The following TBC1D19 variants were observed in gnomAD, a reference collection of about 807,000 sequenced individuals.
TBC1D19 encodes the protein TBC1 domain family member 19.
Under a neutral mutation model 89.0 loss-of-function variants are expected in TBC1D19, and 60 were observed. The observed-to-expected ratio is 0.67, with a 90% confidence interval of 0.55 to 0.84. The LOEUF (loss-of-function observed/expected upper bound fraction) is 0.84. TBC1D19 is among the 40% of genes least tolerant of loss of function. TBC1D19 has a pLI of 0.00. For missense variants in TBC1D19, 500 were observed against 610.8 expected (o/e 0.82, Z 1.91); for synonymous variants, 189 against 199.7 (o/e 0.95, Z 0.45).
At chr4:26,806,514 A>G in the TBC1D19 span, among the ~76,000 whole-genome samples, 1 of 152,308 alleles carries the variant, frequency 6.6e-6, no homozygotes, top group East Asian at 1.9e-4. Context: ...CTGCCTCCTC[A>G]GTAACTGTCA....
chr4:26,850,538 C>A, the TBC1D19 span, among the ~76,000 whole-genome samples: 1 of 21,508 alleles, frequency 4.6e-5, no homozygotes, highest in African/African-American at 4.1e-4. Context: ...GAGACCCTGT[C>A]TCAAAAAAAA....
At chr4:26,680,447 G>A (rs1034797049) in intron 11 of TBC1D19, among the ~76,000 whole-genome samples, 1 of 151,812 alleles carries the variant, frequency 6.6e-6, no homozygotes, top group Non-Finnish European at 1.5e-5. Context: ...TTCTATCTTA[G>A]GAATAAAAGT....
intron 4 of TBC1D19, among the ~76,000 whole-genome samples, chr4:26,627,013 A>G (rs900223144): frequency 6.6e-6 from 1 of 151,752 alleles, no homozygotes; most frequent in Non-Finnish European, 1.5e-5. Context: ...AGCATTAGGT[A>G]TATCTCCTAA....
intron 1 of TBC1D19, among the ~76,000 whole-genome samples, chr4:26,612,793 T>G (rs1250829349): frequency 6.6e-6 from 1 of 152,222 alleles, no homozygotes; most frequent in South Asian, 2.1e-4. Flanking sequence ...TGCAACTGGT[T>G]TTTTAGTCAT....
the TBC1D19 span, among the ~76,000 whole-genome samples, chr4:26,778,537 G>A: frequency 6.6e-6 from 1 of 152,190 alleles, no homozygotes. Context: ...CAGGTGGTAG[G>A]GGAAGAACCA....
chr4:26,784,007 G>A, the TBC1D19 span, among the ~76,000 whole-genome samples: 1 of 152,148 alleles, frequency 6.6e-6, no homozygotes, highest in Admixed American at 6.5e-5. Flanking sequence ...TTGGTCACCA[G>A]GGAACCAGGT....
intron 6 of TBC1D19, 88 bp downstream of exon 6, chr4:26,638,922 T>C: frequency 1.9e-6 from 2 of 1,066,178 alleles, no homozygotes; most frequent in Non-Finnish European, 2.7e-6. Context: ...TAACAATTCT[T>C]TTGGGAAGAT....
At chr4:26,825,204 T>G in the TBC1D19 span, among the ~76,000 whole-genome samples, 3 of 152,094 alleles carry the variant, frequency 2.0e-5, no homozygotes, top group Admixed American at 2.0e-4. Context: ...GTTCAAGCGA[T>G]TCTCCTGCCT....
intron 4 of TBC1D19, among the ~76,000 whole-genome samples, chr4:26,632,996 C>T (rs1045520576): frequency 2.0e-5 from 3 of 152,122 alleles, no homozygotes; most frequent in African/African-American, 7.2e-5. Flanking sequence ...TATCTTGCAA[C>T]CCTTCACTCC....
At chr4:26,781,403 G>A in the TBC1D19 span, among the ~76,000 whole-genome samples, 1 of 152,098 alleles carries the variant, frequency 6.6e-6, no homozygotes, top group East Asian at 1.9e-4. Context: ...CCTCTAAGAC[G>A]GGGGAAATAA....
intron 13 of TBC1D19, 74 bp downstream of exon 13, chr4:26,688,481 C>A: frequency 7.4e-7 from 1 of 1,345,762 alleles, no homozygotes; most frequent in Non-Finnish European, 9.6e-7. Flanking sequence ...GGAGATATCT[C>A]TGCTGTTGAC....
the TBC1D19 span, among the ~76,000 whole-genome samples, chr4:26,831,644 G>T: frequency 6.9e-6 from 1 of 144,820 alleles, no homozygotes; most frequent in East Asian, 2.0e-4. Context: ...GTGCCATAGC[G>T]TGATTTTGGC....
chr4:26,734,980 A>ATGTATATGTATATATGTATACACATG, intron 15 of TBC1D19, among the ~76,000 whole-genome samples: 1 of 148,798 alleles, frequency 6.7e-6, no homozygotes. Flanking sequence ...GTATACACAT[A>ATGTATATGTATATATGTATACACATG]TGTATATGTA....
chr4:26,826,288 T>C, the TBC1D19 span, among the ~76,000 whole-genome samples: 3 of 152,214 alleles, frequency 2.0e-5, no homozygotes. Context: ...GGACTTCGCA[T>C]TCTGCCTGCC....
chr4:26,583,361 G>A (rs983969734), upstream of TBC1D19, among the ~76,000 whole-genome samples: 2 of 152,186 alleles, frequency 1.3e-5, no homozygotes, highest in Non-Finnish European at 2.9e-5. Context: ...TTATGTAAAT[G>A]TTCAATAAGT....
At chr4:26,732,838 A>G (rs1351543770) in intron 15 of TBC1D19, among the ~76,000 whole-genome samples, 1 of 152,202 alleles carries the variant, frequency 6.6e-6, no homozygotes, top group African/African-American at 2.4e-5. Context: ...GAAAAAGGAT[A>G]CATCCTCCTC....
chr4:26,662,588 T>C (rs1476704249), intron 8 of TBC1D19, among the ~76,000 whole-genome samples: 1 of 152,118 alleles, frequency 6.6e-6, no homozygotes, highest in African/African-American at 2.4e-5. Flanking sequence ...AAGTACCCAG[T>C]GCCGTGAATG....
intron 1 of TBC1D19, among the ~76,000 whole-genome samples, chr4:26,612,116 G>A (rs1239286806): frequency 6.6e-6 from 1 of 151,762 alleles, no homozygotes; most frequent in Non-Finnish European, 1.5e-5. Flanking sequence ...ATGTCTTAGA[G>A]GTCTTGTGGC....
In TBC1D19 at chr4:26,748,383, ATTAATT is replaced by A. The variant is rs201703290; in HGVS notation, c.1320-25_1320-20del. The A allele has an allele frequency of 3.2e-4, 493 of 1,538,832 alleles. 1 individual carries two copies. The African/African-American group carries it at 6.0e-3, about 19-fold the overall frequency. Reference sequence around the variant, plus strand: ...TCATGAGAAAAAATTTCAGTGGTACATTAATTTTTATTTTTCCTTGCTTATAGACTT... The same window carrying A: ...TCATGAGAAAAAATTTCAGTGGTACATTTATTTTTCCTTGCTTATAGACTT... On this transcript the variant is annotated intron_variant, in intron 18 of 20. Transcript: ENST00000264866.
Sources: allele counts gnomAD v4.1 joint callset (sites outside exome capture counted in the v4.1 genomes callset), GRCh38; gene constraint gnomAD v4.1.1; transcripts MANE v1.5; gene names NCBI Gene and HGNC (gene_info 2026-07-23, HGNC 2026-07-21).